PCSK5: variants seen among roughly 807,000 people sequenced by gnomAD.
PCSK5 encodes the protein prohormone convertase 5.
A neutral mutation model predicts 233.2 loss-of-function variants in PCSK5; 129 were observed. The ratio of observed to expected loss-of-function variants is 0.55; its 90% confidence interval spans 0.48 to 0.64. PCSK5 has a LOEUF of 0.64. PCSK5 is among the 30% of genes least tolerant of loss of function. The pLI, the probability that PCSK5 is intolerant of heterozygous loss-of-function variation, is 0.00. For missense variants in PCSK5, 2,076 were observed against 2,430.1 expected, an observed-to-expected ratio of 0.85 and a Z score of 3.06; for synonymous variants, 825 against 879.2, an observed-to-expected ratio of 0.94 and a Z score of 1.09.
At chr9:76,079,122 A>G (rs564240052) in intron 7 of PCSK5, among the ~76,000 whole-genome samples, 12 of 150,978 alleles carry the variant, frequency 7.9e-5, no homozygotes, top group Non-Finnish European at 1.3e-4. Flanking sequence ...TTAAATCGAG[A>G]TGGAGTTCAC....
intron 1 of PCSK5, among the ~76,000 whole-genome samples, chr9:75,895,025 A>G (rs896485316): frequency 6.6e-6 from 1 of 152,194 alleles, no homozygotes; most frequent in African/African-American, 2.4e-5. Flanking sequence ...TGAGTTGCTT[A>G]TAATCCTTGA....
At chr9:75,944,128 A>G (rs1165823909) in intron 2 of PCSK5, among the ~76,000 whole-genome samples, 1 of 151,912 alleles carries the variant, frequency 6.6e-6, no homozygotes, top group African/African-American at 2.4e-5. Context: ...ACACCACTGC[A>G]CTCCAGCCTG....
chr9:76,255,277 ACT>A (rs906129783), intron 24 of PCSK5, among the ~76,000 whole-genome samples: 2 of 151,496 alleles, frequency 1.3e-5, no homozygotes, highest in Non-Finnish European at 2.9e-5. Context: ...ACAGAATAAG[ACT>A]CTCTCTCAAA....
chr9:76,319,326 A>T (rs56383794), intron 30 of PCSK5, among the ~76,000 whole-genome samples: 17,355 of 148,080 alleles, frequency 0.12, 1,037 homozygotes, highest in Non-Finnish European at 0.13. Flanking sequence ...AAACTGTTTC[A>T]GTATAATAAA....
intron 24 of PCSK5, among the ~76,000 whole-genome samples, chr9:76,240,991 C>A (rs1284588483): frequency 6.6e-6 from 1 of 152,172 alleles, no homozygotes; most frequent in Non-Finnish European, 1.5e-5. Context: ...ATTTCAGGTG[C>A]CTGAGACTCA....
chr9:75,965,353 TG>T (rs1825536839), intron 2 of PCSK5, among the ~76,000 whole-genome samples: 1 of 151,594 alleles, frequency 6.6e-6, no homozygotes, highest in African/African-American at 2.4e-5. Context: ...TTACAGAAGC[TG>T]AGAGAGGTCC....
In PCSK5 at chr9:76,061,208, G is replaced by C. The variant is rs1291046614; in HGVS notation, c.633-6747G>C. ...ATGATGGACACATAAAGAGTAATTG[G>C]AGAATATACATCATTTTCAAACACA... On this transcript the variant is annotated intron_variant, in intron 5 of 37. Coordinates refer to ENST00000674117, the MANE Select transcript of PCSK5 (RefSeq NM_001372043.1). Among the ~76,000 whole-genome samples the C allele has an allele frequency of 2.6e-5, 4 of 152,046 alleles. No homozygotes were observed. In the South Asian group the frequency reaches 6.2e-4, roughly 24 times the overall value.
intron 7 of PCSK5, among the ~76,000 whole-genome samples, chr9:76,093,571 A>G (rs1587617648): frequency 6.8e-6 from 1 of 146,726 alleles, no homozygotes; most frequent in East Asian, 1.9e-4. Flanking sequence ...AATTTTATAT[A>G]TATATATATA....
At chr9:75,975,816 T>TGGCTTTCG (rs1281762080) in intron 2 of PCSK5, among the ~76,000 whole-genome samples, 24 of 152,242 alleles carry the variant, frequency 1.6e-4, no homozygotes, top group Admixed American at 1.6e-3. Flanking sequence ...TACCTTGCCT[T>TGGCTTTCG]GGCTTTCGAA....
intron 30 of PCSK5, among the ~76,000 whole-genome samples, chr9:76,312,103 G>C (rs1035282869): frequency 1.3e-5 from 2 of 152,190 alleles, no homozygotes; most frequent in East Asian, 3.8e-4. Flanking sequence ...CTGACAGCCA[G>C]GAAGAATGGA....
At chr9:76,179,822 G>A (rs113403172) in intron 15 of PCSK5, 124 bp downstream of exon 15, 22 of 646,986 alleles carry the variant, frequency 3.4e-5, no homozygotes, top group African/African-American at 1.3e-4. Context: ...CACCAGGACC[G>A]AAACATAGAA....
At chr9:75,928,640 A>ATAT in intron 1 of PCSK5, among the ~76,000 whole-genome samples, 1 of 69,650 alleles carries the variant, frequency 1.4e-5, no homozygotes, top group South Asian at 4.7e-4. Flanking sequence ...TATATATATA[A>ATAT]TCCTAGAAGG....
intron 29 of PCSK5, among the ~76,000 whole-genome samples, chr9:76,310,200 A>G (rs540487017): frequency 6.6e-6 from 1 of 151,542 alleles, no homozygotes; most frequent in African/African-American, 2.4e-5. Context: ...GTGAGCCAAG[A>G]TCGCACCAGT....
intron 5 of PCSK5, among the ~76,000 whole-genome samples, chr9:76,027,594 G>A (rs867781949): frequency 3.1e-5 from 4 of 130,012 alleles, no homozygotes; most frequent in Non-Finnish European, 6.2e-5. Context: ...ACAGAAACCC[G>A]GTTAACCACA....
chr9:76,151,204 G>T (rs1395583980), intron 10 of PCSK5, among the ~76,000 whole-genome samples: 1 of 152,100 alleles, frequency 6.6e-6, no homozygotes, highest in Non-Finnish European at 1.5e-5. Flanking sequence ...TCAGCACATT[G>T]AGGATCAAAG....
chr9:75,954,163 C>T (rs981551164), intron 2 of PCSK5, among the ~76,000 whole-genome samples: 3 of 152,172 alleles, frequency 2.0e-5, no homozygotes, highest in Non-Finnish European at 4.4e-5. Context: ...CTGGACATTT[C>T]GTTTGTAGAA....
chr9:76,327,730 G>A (rs1302172114), intron 32 of PCSK5, among the ~76,000 whole-genome samples: 2 of 152,110 alleles, frequency 1.3e-5, no homozygotes, highest in African/African-American at 4.8e-5. Flanking sequence ...ATTATAGTGA[G>A]CCTTACTAAT....
At chr9:75,987,769 A>T (rs747868702) in intron 3 of PCSK5, among the ~76,000 whole-genome samples, 34 of 152,366 alleles carry the variant, frequency 2.2e-4, no homozygotes, top group Middle Eastern at 3.4e-3. Context: ...CACTGGCAGG[A>T]GCTAAGGAGC....
At chr9:76,334,499 G>A (rs1162995621) in intron 34 of PCSK5, among the ~76,000 whole-genome samples, 1 of 152,190 alleles carries the variant, frequency 6.6e-6, no homozygotes, top group African/African-American at 2.4e-5. Flanking sequence ...TTGGGAGGCC[G>A]AGGTGGGTGG....
Sources: allele counts gnomAD v4.1 joint callset (sites outside exome capture counted in the v4.1 genomes callset), GRCh38; gene constraint gnomAD v4.1.1; transcripts MANE v1.5; gene names NCBI Gene and HGNC (gene_info 2026-07-23, HGNC 2026-07-21).